The following MAPK10 variants were observed in gnomAD, a reference collection of about 807,000 sequenced individuals.
MAPK10 encodes JNK3 alpha protein kinase.
A neutral mutation model predicts 59.3 loss-of-function variants in MAPK10; 25 were observed. That is an observed-to-expected ratio of 0.42 (90% CI 0.31 to 0.59). The LOEUF (loss-of-function observed/expected upper bound fraction) is 0.59. Among genes scored for constraint, MAPK10 ranks in the 20% least tolerant of loss-of-function variants. MAPK10 has a pLI of 0.15. For synonymous variants in MAPK10, 190 were observed against 200.5 expected (o/e 0.95, Z 0.44); for missense variants, 351 against 568.9 (o/e 0.62, Z 3.90).
intron 5 of MAPK10, among the ~76,000 whole-genome samples, chr4:86,103,968 T>G (rs1453944878): frequency 6.6e-6 from 1 of 152,054 alleles, no homozygotes; most frequent in African/African-American, 2.4e-5. Flanking sequence ...TTCTTCCAGC[T>G]AAATATTTGG....
At chr4:86,564,917 AG>A (rs1470071596) in intron 1 of MAPK10, among the ~76,000 whole-genome samples, 2 of 152,154 alleles carry the variant, frequency 1.3e-5, no homozygotes, top group Non-Finnish European at 2.9e-5. Context: ...GGGAAGTTCA[AG>A]GGCCTCCCAC....
chr4:86,493,582 C>T (rs1754645953), intron 1 of MAPK10, among the ~76,000 whole-genome samples: 1 of 152,060 alleles, frequency 6.6e-6, no homozygotes, highest in African/African-American at 2.4e-5. Flanking sequence ...TCAGGACAGC[C>T]TTTCTGTCAT....
chr4:86,358,641 C>CTA (rs1735718952), intron 1 of MAPK10: 1 of 151,374 alleles, frequency 6.6e-6, no homozygotes, highest in South Asian at 2.1e-4. Context: ...AAAGCAGAGA[C>CTA]TAGGTCTCTA....
chr4:86,479,495 C>T (rs531387561), intron 1 of MAPK10, among the ~76,000 whole-genome samples: 19 of 149,620 alleles, frequency 1.3e-4, no homozygotes, highest in African/African-American at 4.6e-4. Flanking sequence ...AAAAACTTGT[C>T]GTCCCTACTA....
chr4:86,029,169 T>C, intron 13 of MAPK10, 28 bp downstream of exon 13: 1 of 1,475,486 alleles, frequency 6.8e-7, no homozygotes, highest in East Asian at 2.3e-5. Context: ...AAGTACTAGT[T>C]TATTGGTTAT....
At chr4:86,071,316 C>T (rs573120327) in intron 9 of MAPK10, among the ~76,000 whole-genome samples, 4 of 137,042 alleles carry the variant, frequency 2.9e-5, no homozygotes, top group Admixed American at 1.4e-4. Context: ...GAGTAGGTTG[C>T]GAACATTTTC....
chr4:86,441,192 T>C (rs1040204598), intron 1 of MAPK10, among the ~76,000 whole-genome samples: 6 of 152,228 alleles, frequency 3.9e-5, no homozygotes, highest in African/African-American at 1.4e-4. Flanking sequence ...CATGTTTGCA[T>C]GTATATAATG....
chr4:86,203,155 G>A (rs1005023737), intron 2 of MAPK10, among the ~76,000 whole-genome samples: 41 of 151,846 alleles, frequency 2.7e-4, no homozygotes, highest in Non-Finnish European at 1.0e-4. Context: ...ATCACTAGTT[G>A]TTCTTTTGGG....
chr4:86,122,750 T>C (rs1051263673), intron 4 of MAPK10, among the ~76,000 whole-genome samples: 1 of 152,136 alleles, frequency 6.6e-6, no homozygotes, highest in African/African-American at 2.4e-5. Flanking sequence ...ATAAATTTTT[T>C]TCCTTGAAAA....
At chr4:86,314,471 T>C (rs2148876986) in intron 2 of MAPK10, among the ~76,000 whole-genome samples, 1 of 152,234 alleles carries the variant, frequency 6.6e-6, no homozygotes, top group African/African-American at 2.4e-5. Context: ...TTTTCTCTTA[T>C]TGCTGCCATG....
chr4:86,120,515 C>G (rs535540335), intron 4 of MAPK10: 1 of 152,096 alleles, frequency 6.6e-6, no homozygotes, highest in Non-Finnish European at 1.5e-5. Context: ...GCTCTAGACA[C>G]GAGGCAATTT....
intron 2 of MAPK10, among the ~76,000 whole-genome samples, chr4:86,310,624 G>T (rs907696366): frequency 6.6e-6 from 1 of 151,988 alleles, no homozygotes; most frequent in African/African-American, 2.4e-5. Context: ...ACATGTCAAG[G>T]GAAAAGTTGA....
intron 1 of MAPK10, among the ~76,000 whole-genome samples, chr4:86,445,397 C>A (rs1172053044): frequency 6.6e-6 from 1 of 152,024 alleles, no homozygotes; most frequent in Non-Finnish European, 1.5e-5. Context: ...GGGAGGGGAA[C>A]AACACATACT....
chr4:86,065,510 T>C (rs1255877217), intron 10 of MAPK10: 1 of 152,158 alleles, frequency 6.6e-6, no homozygotes, highest in African/African-American at 2.4e-5. Context: ...AAAAGACACA[T>C]TAATTTTAAC....
chr4:86,345,143 T>C (rs4693765), intron 2 of MAPK10, among the ~76,000 whole-genome samples: 109,676 of 152,024 alleles, frequency 0.72, 40,352 homozygotes, highest in South Asian at 0.9. Context: ...TAAAGCAAAA[T>C]TGTGCATTAG....
chr4:86,519,012 G>A (rs192604133), intron 1 of MAPK10, among the ~76,000 whole-genome samples: 4 of 152,166 alleles, frequency 2.6e-5, no homozygotes, highest in Non-Finnish European at 4.4e-5. Flanking sequence ...TTAATTTACT[G>A]AGACTTGTTT....
intron 2 of MAPK10, among the ~76,000 whole-genome samples, chr4:86,351,435 T>C (rs970473923): frequency 7.1e-6 from 1 of 141,842 alleles, no homozygotes; most frequent in Non-Finnish European, 1.6e-5. Context: ...ACACATTTTA[T>C]GACAAATATT....
chr4:86,501,108 C>A (rs1405217017), intron 1 of MAPK10, among the ~76,000 whole-genome samples: 1 of 89,332 alleles, frequency 1.1e-5, no homozygotes, highest in African/African-American at 4.5e-5. Context: ...AAACTCTCTA[C>A]GATCTGAAAA....
chr4:86,091,536 ATTTTTTTTTTTT>A (rs71657508), intron 9 of MAPK10: 5 of 67,416 alleles, frequency 7.4e-5, no homozygotes, highest in African/African-American at 1.9e-4. Flanking sequence ...AAATCCCTTG[ATTTTTTTTTTTT>A]TTTTTTTTTT....
Sources: allele counts gnomAD v4.1 joint callset (sites outside exome capture counted in the v4.1 genomes callset), GRCh38; gene constraint gnomAD v4.1.1; transcripts MANE v1.5; gene names NCBI Gene and HGNC (gene_info 2026-07-23, HGNC 2026-07-21).